The following PDE4D variants were observed in gnomAD, a reference collection of about 807,000 sequenced individuals.
The protein encoded by PDE4D is phosphodiesterase 4D.
A neutral mutation model predicts 87.4 loss-of-function variants in PDE4D; 24 were observed. The observed-to-expected ratio is 0.27, with a 90% CI of 0.20 to 0.39. The LOEUF is 0.39. Ranked by LOEUF, PDE4D falls within the 10% of genes least tolerant of loss-of-function variation. The pLI, the probability that PDE4D is intolerant of heterozygous loss-of-function variation, is 1.00. For missense variants in PDE4D, 714 were observed against 1,041.0 expected, an observed-to-expected ratio of 0.69 and a Z score of 4.32; for synonymous variants, 384 against 383.2, an observed-to-expected ratio of 1.00 and a Z score of -0.02.
At chr5:59,313,079 C>T (rs1773013436) in intron 1 of PDE4D, among the ~76,000 whole-genome samples, 1 of 152,132 alleles carries the variant, frequency 6.6e-6, no homozygotes, top group Non-Finnish European at 1.5e-5. Context: ...TGAAGGGGCC[C>T]TCCACTCTGG....
chr5:60,067,529 C>T (rs1360750032), intron 2 of PDE4D, among the ~76,000 whole-genome samples: 1 of 152,006 alleles, frequency 6.6e-6, no homozygotes, highest in Non-Finnish European at 1.5e-5. Flanking sequence ...AATTATAATA[C>T]CACTGTCTTT....
chr5:59,433,875 T>C (rs563716949), intron 1 of PDE4D, among the ~76,000 whole-genome samples: 1 of 152,216 alleles, frequency 6.6e-6, no homozygotes, highest in South Asian at 2.1e-4. Flanking sequence ...TTAAAAGTAA[T>C]TGCCAGCAAG....
At chr5:59,831,482 G>A (rs1431666576) in intron 1 of PDE4D, among the ~76,000 whole-genome samples, 4 of 152,014 alleles carry the variant, frequency 2.6e-5, no homozygotes, top group Non-Finnish European at 4.4e-5. Context: ...AATGCATCAG[G>A]CTCCATGCCA....
chr5:60,339,680 C>T (rs137992894), intron 1 of PDE4D, among the ~76,000 whole-genome samples: 26 of 152,286 alleles, frequency 1.7e-4, no homozygotes, highest in African/African-American at 6.3e-4. Flanking sequence ...CATACTAGCA[C>T]GCTTTCGGGA....
At chr5:59,286,481 A>T (rs916778678) in intron 1 of PDE4D, among the ~76,000 whole-genome samples, 2 of 152,182 alleles carry the variant, frequency 1.3e-5, no homozygotes, top group African/African-American at 4.8e-5. Flanking sequence ...TCAATAGGAA[A>T]TTTTTTAAAA....
Position 59,905,458 on chromosome 5 carries a change from T to C in PDE4D, c.272+83030A>G, listed in dbSNP as rs190739522. On this transcript the variant is annotated intron_variant, in intron 3 of 16. Transcript: ENST00000502484. ...AACCAAATCAGTAGTCTCATCACAGTTAAATATTATTCATTCTTAAAAGTA... is the reference window on the plus strand; with the variant it reads ...AACCAAATCAGTAGTCTCATCACAGCTAAATATTATTCATTCTTAAAAGTA... 2.3e-3 allele frequency among the ~76,000 whole-genome samples: 351 copies of C among 152,254 alleles called. 1 individual carries two copies. Among genetic ancestry groups the C allele is most frequent in the African/African-American group, 8.0e-3 (334 of 41,564 alleles).
At chr5:59,010,190 G>T (rs1909296) in intron 6 of PDE4D, among the ~76,000 whole-genome samples, 15,343 of 152,072 alleles carry the variant, frequency 0.1, 1,037 homozygotes, top group Non-Finnish European at 0.13. Flanking sequence ...AGCAGGGTGT[G>T]GTGGTGCACT....
chr5:59,091,492 ATGAAT>A (rs1768728711), intron 5 of PDE4D, among the ~76,000 whole-genome samples: 2 of 152,128 alleles, frequency 1.3e-5, no homozygotes, highest in South Asian at 4.1e-4. Flanking sequence ...TACAACATTG[ATGAAT>A]TTTACAACTA....
At chr5:59,521,925 T>A (rs940235585) in intron 1 of PDE4D, among the ~76,000 whole-genome samples, 1 of 152,162 alleles carries the variant, frequency 6.6e-6, no homozygotes, top group Non-Finnish European at 1.5e-5. Context: ...TTGATGAACA[T>A]GAAGATAAAA....
At chr5:60,439,155 A>G (rs1451738686) in intron 1 of PDE4D, among the ~76,000 whole-genome samples, 1 of 152,104 alleles carries the variant, frequency 6.6e-6, no homozygotes, top group Non-Finnish European at 1.5e-5. Context: ...ACCACCAAAC[A>G]TTTGTTTAAA....
At chr5:59,127,764 T>A (rs1451683156) in intron 5 of PDE4D, among the ~76,000 whole-genome samples, 1 of 152,002 alleles carries the variant, frequency 6.6e-6, no homozygotes. Context: ...TAGTGCGACA[T>A]CAGAAACCAG....
intron 1 of PDE4D, among the ~76,000 whole-genome samples, chr5:60,242,544 G>A (rs2149661942): frequency 6.6e-6 from 1 of 152,172 alleles, no homozygotes; most frequent in Middle Eastern, 3.4e-3. Flanking sequence ...CTTTTCCTCA[G>A]CACATGGATC....
chr5:60,450,021 A>G (rs58891299), intron 1 of PDE4D, among the ~76,000 whole-genome samples: 6,148 of 151,342 alleles, frequency 0.041, 219 homozygotes, highest in East Asian at 0.18. Context: ...ATATACACCA[A>G]AAAACAAGTC....
At chr5:59,965,180 C>T (rs188054989) in intron 3 of PDE4D, among the ~76,000 whole-genome samples, 1 of 152,200 alleles carries the variant, frequency 6.6e-6, no homozygotes, top group African/African-American at 2.4e-5. Context: ...AGACATTATC[C>T]CAGCAATTTC....
chr5:60,184,925 T>C (rs1169550968), intron 2 of PDE4D, among the ~76,000 whole-genome samples: 1 of 152,190 alleles, frequency 6.6e-6, no homozygotes, highest in Non-Finnish European at 1.5e-5. Context: ...ATCCTTTCCT[T>C]GTGTGGCTTT....
intron 3 of PDE4D, among the ~76,000 whole-genome samples, chr5:59,907,921 C>T (rs1753012748): frequency 6.6e-6 from 1 of 151,942 alleles, no homozygotes; most frequent in Admixed American, 6.6e-5. Flanking sequence ...CTGAAACTTC[C>T]CCCAAGTCCT....
chr5:60,169,934 G>T (rs545393381), intron 2 of PDE4D, among the ~76,000 whole-genome samples: 38 of 151,550 alleles, frequency 2.5e-4, no homozygotes, highest in African/African-American at 9.2e-4. Flanking sequence ...TTGCATTATC[G>T]ACATGAAAAG....
At chr5:59,972,864 C>A (rs1404415449) in intron 3 of PDE4D, among the ~76,000 whole-genome samples, 1 of 152,144 alleles carries the variant, frequency 6.6e-6, no homozygotes, top group Non-Finnish European at 1.5e-5. Context: ...CTTTACTTCC[C>A]CTTTCCAAAA....
At chr5:59,834,673 A>G (rs1345286936) in intron 1 of PDE4D, among the ~76,000 whole-genome samples, 1 of 152,052 alleles carries the variant, frequency 6.6e-6, no homozygotes, top group Non-Finnish European at 1.5e-5. Flanking sequence ...GAAAGTGTTG[A>G]CTGAGCATTG....
Sources: allele counts gnomAD v4.1 joint callset (sites outside exome capture counted in the v4.1 genomes callset), GRCh38; gene constraint gnomAD v4.1.1; transcripts MANE v1.5; gene names NCBI Gene and HGNC (gene_info 2026-07-23, HGNC 2026-07-21).